The following WDR43 variants were observed in gnomAD, a reference collection of about 807,000 sequenced individuals.
WDR43 encodes the protein WD repeat domain 43, also known as WD repeat-containing protein 43.
A neutral mutation model predicts 91.4 loss-of-function variants in WDR43; 13 were observed. The ratio of observed to expected loss-of-function variants is 0.14; its 90% CI spans 0.09 to 0.23. WDR43 has a LOEUF of 0.23. Ranked by LOEUF, WDR43 falls within the 10% of genes least tolerant of loss-of-function variation. The pLI, the probability that WDR43 is intolerant of heterozygous loss-of-function variation, is 1.00. For missense variants in WDR43, 780 were observed against 809.4 expected, an observed-to-expected ratio of 0.96 and a Z score of 0.44; for synonymous variants, 331 against 287.9, an observed-to-expected ratio of 1.15 and a Z score of -1.51.
chr2:28,922,911 T>C lies in WDR43; in HGVS notation c.850-8T>C, dbSNP rs891394514. 1.2e-6 allele frequency: 2 copies of C among 1,610,266 alleles called. No homozygotes were observed. Among genetic ancestry groups the C allele is most frequent in the Admixed American group, 1.7e-5 (1 of 59,360 alleles). On this transcript the variant is annotated splice_polypyrimidine_tract_variant and splice_region_variant and intron_variant, in intron 6 of 17. Transcript: ENST00000407426. ...CATTATAATACGTTGGTTACATTTT[T>C]CTTTTAGCCTGTCAAGTTGGCTGTT...
chr2:28,914,293 C>CT (rs777617000), intron 5 of WDR43, 85 bp downstream of exon 5: 1 of 1,412,288 alleles, frequency 7.1e-7, no homozygotes, highest in South Asian at 1.6e-5. Context: ...GAATATGGGA[C>CT]TTTATTTGTT....
At chr2:28,927,017 A>C in intron 9 of WDR43, 1 of 516,522 alleles carries the variant, frequency 1.9e-6, no homozygotes, top group Non-Finnish European at 3.9e-6. Flanking sequence ...CTTGGTGTCT[A>C]CATGTAGGGG....
chr2:28,939,520 G>A (rs1264925181), intron 14 of WDR43, among the ~76,000 whole-genome samples: 3 of 152,110 alleles, frequency 2.0e-5, no homozygotes, highest in Non-Finnish European at 4.4e-5. Flanking sequence ...GGTTTTCCTC[G>A]CTCTTTTCCT....
chr2:28,945,732 G>A (rs571683230), intron 16 of WDR43, among the ~76,000 whole-genome samples: 1 of 152,300 alleles, frequency 6.6e-6, no homozygotes, highest in East Asian at 1.9e-4. Flanking sequence ...CTTCCTTAGT[G>A]CTTAGAAAAT....
chr2:28,918,088 G>T, intron 6 of WDR43, 93 bp downstream of exon 6: 1 of 1,066,954 alleles, frequency 9.4e-7, no homozygotes, highest in Non-Finnish European at 1.3e-6. Flanking sequence ...TTGAGAAATA[G>T]AGAGGACCTG....
At chr2:28,938,248 TACAG>T (rs374528664) in intron 14 of WDR43, among the ~76,000 whole-genome samples, 6 of 152,222 alleles carry the variant, frequency 3.9e-5, no homozygotes, top group African/African-American at 1.4e-4. Flanking sequence ...TCTTTACAAA[TACAG>T]AAAGGAGAAA....
chr2:28,940,061 T>C (rs542780733), intron 14 of WDR43, among the ~76,000 whole-genome samples: 74 of 141,090 alleles, frequency 5.2e-4, no homozygotes, highest in African/African-American at 1.9e-3. Context: ...GCAGTGAGCA[T>C]AGTTCATGGC....
At chr2:28,909,481 T>C (rs1670749125) in intron 3 of WDR43, among the ~76,000 whole-genome samples, 1 of 152,170 alleles carries the variant, frequency 6.6e-6, no homozygotes, top group African/African-American at 2.4e-5. Context: ...GTGAGTGTGT[T>C]TTGATTTGTT....
At chr2:28,906,730 T>C in intron 3 of WDR43, 149 bp downstream of exon 3, 2 of 1,015,534 alleles carry the variant, frequency 2.0e-6, no homozygotes, top group Non-Finnish European at 2.7e-6. Context: ...CATAAAATAC[T>C]AAAACACATA....
Position 28,918,010 on chromosome 2 carries a change from T to G in WDR43, c.849+15T>G, listed in dbSNP as rs1670949321. ...ACAAAGAAGAGGTAAATGGCTCGAT[T>G]TTTGAGAATTTGTTTTTGGGTTTCA... On this transcript the variant is annotated intron_variant, in intron 6 of 17. Coordinates refer to ENST00000407426, the MANE Select transcript of WDR43 (RefSeq NM_015131.3). 9 of 1,547,504 alleles carry G rather than the reference T, an allele frequency of 5.8e-6. No homozygotes were observed. The East Asian group carries it at 2.1e-4, about 37-fold the overall frequency.
Position 28,919,790 on chromosome 2 carries a change from C to T in WDR43, c.849+1795C>T, listed in dbSNP as rs538767101. 5.9e-5 allele frequency among the ~76,000 whole-genome samples: 9 copies of T among 152,274 alleles called. No homozygotes were observed. In the East Asian group the frequency reaches 1.3e-3, roughly 23 times the overall value. On this transcript the variant is annotated intron_variant, in intron 6 of 17. Transcript: ENST00000407426. ...TATTCTGATAATTGGATATTCTGAT[C>T]GTAGGGAACTGATGAGAAACATTTT...
chr2:28,927,942 G>A, intron 10 of WDR43: 1 of 418,644 alleles, frequency 2.4e-6, no homozygotes, highest in Non-Finnish European at 4.2e-6. Context: ...TTAGTTAGTA[G>A]TTAGCTGGGT....
intron 2 of WDR43, 123 bp from the exon 3 acceptor site, chr2:28,906,337 G>A: frequency 1.1e-6 from 1 of 937,896 alleles, no homozygotes; most frequent in Non-Finnish European, 1.5e-6. Flanking sequence ...ATATCCACGT[G>A]TGGGCCAGGA....
In WDR43 at chr2:28,922,830, G is replaced by T. The variant is rs1671059915; in HGVS notation, c.850-89G>T. Reference sequence around the variant, plus strand: ...TTTTTTTTTTCTGGTTGTGTAATGGGGTGGGAAGGACAGCTGAGTTTTCAT... The same window carrying T: ...TTTTTTTTTTCTGGTTGTGTAATGGTGTGGGAAGGACAGCTGAGTTTTCAT... On this transcript the variant is annotated intron_variant, in intron 6 of 17. Transcript: ENST00000407426. 6.4e-6 allele frequency: 4 copies of T among 627,336 alleles called. No homozygotes were observed. The South Asian group carries it at 1.1e-4, about 18-fold the overall frequency. The allele number at this position is 627,336 out of a possible 1,614,324, so 38.9% of individuals were successfully genotyped here.
chr2:28,925,064 A>G lies in WDR43; in HGVS notation c.997A>G (p.Ile333Val), dbSNP rs750621462. The G allele has an allele frequency of 1.9e-6, 3 of 1,613,978 alleles. No homozygotes were observed. The highest frequency in any genetic ancestry group is 2.5e-6 in the Non-Finnish European group (3 of 1,179,880). The change falls in exon 8 of 18, where the codon ATC (isoleucine) becomes GTC (valine). Residue 333 changes from isoleucine (I) to valine (V), a missense_variant. Transcript: ENST00000407426. The stretch of plus-strand genomic sequence containing the variant: ...AGGCAAGAAGTCAACACCAAAACCC[A>G]TCCCTATTCTAGCTGCTGGTTTTTG... ...GKGKKSTPKP[I>V]PILAAGFCSD...
At chr2:28,933,740 TATTA>T (rs1381787852) in intron 11 of WDR43, among the ~76,000 whole-genome samples, 6 of 152,196 alleles carry the variant, frequency 3.9e-5, no homozygotes, top group East Asian at 3.8e-4. Flanking sequence ...TATTATGCAT[TATTA>T]ATTATCACAG....
chr2:28,911,359 T>C (rs1670794467), intron 3 of WDR43, among the ~76,000 whole-genome samples: 1 of 151,248 alleles, frequency 6.6e-6, no homozygotes, highest in South Asian at 2.1e-4. Flanking sequence ...AGTGGTGCAA[T>C]CTCAGCTCAC....
At chr2:28,941,406 C>T (rs559772989) in intron 14 of WDR43, 55 bp from the exon 15 acceptor site, 7 of 1,340,510 alleles carry the variant, frequency 5.2e-6, no homozygotes, top group African/African-American at 2.9e-5. Context: ...GCATGATTTG[C>T]GTGTTCGTCA....
At chr2:28,939,281 T>C (rs1363375457) in intron 14 of WDR43, among the ~76,000 whole-genome samples, 1 of 152,026 alleles carries the variant, frequency 6.6e-6, no homozygotes, top group East Asian at 1.9e-4. Flanking sequence ...CCAGCAGACA[T>C]CGGATCTTAG....
Sources: gnomAD v4.1 joint callset for allele counts (sites outside exome capture counted in the v4.1 genomes callset) on GRCh38, gnomAD v4.1.1 for gene constraint, MANE v1.5 for transcripts, NCBI Gene and HGNC (gene_info 2026-07-23, HGNC 2026-07-21) for gene names.